Variants in CADPS observed in about 807,000 individuals in gnomAD.
The protein encoded by CADPS is calcium dependent secretion activator, also known as calcium-dependent secretion activator 1.
Under a neutral mutation model 167.3 loss-of-function variants are expected in CADPS, and 57 were observed. The ratio of observed to expected loss-of-function variants is 0.34; its 90% confidence interval spans 0.28 to 0.42. CADPS has a LOEUF of 0.42. Ranked by LOEUF, CADPS falls within the 20% of genes least tolerant of loss-of-function variation. The probability of loss-of-function intolerance (pLI) is 1.00; values close to 1 mark genes in which losing one functional copy is unlikely to be tolerated. For synonymous variants in CADPS, 676 were observed against 635.3 expected (o/e 1.06, Z -0.96); for missense variants, 1,414 against 1,738.1 (o/e 0.81, Z 3.32).
intron 1 of CADPS, among the ~76,000 whole-genome samples, chr3:62,794,506 T>A (rs1042220422): frequency 6.6e-6 from 1 of 152,062 alleles, no homozygotes; most frequent in Non-Finnish European, 1.5e-5. Context: ...GTGTTCGAAC[T>A]CAGGAGGCCA....
In CADPS at chr3:62,550,047, C is replaced by T. The variant is rs772655154; in HGVS notation, c.1822G>A (p.Asp608Asn). 4.3e-6 allele frequency: 7 copies of T among 1,614,062 alleles called. No homozygotes were observed. Among genetic ancestry groups the T allele is most frequent in the Non-Finnish European group, 5.9e-6 (7 of 1,179,976 alleles). ...EGDTVIFASD[D>N]EQDRILWVQA... ...ACCCACAGGATGCGGTCTTGTTCAT[C>T]GTCACTGGCAAATATCACGGTGTCT... Residue 608 changes from aspartate (D) to asparagine (N), a missense_variant, in exon 11 of 30, where the codon GAT becomes AAT. Physicochemically the swap from Asp to Asn is conservative, Grantham distance 23. This residue lies in a region of CADPS where 2 missense variants were observed against 18.8 expected (regional missense o/e 0.11). Coordinates refer to ENST00000383710, the MANE Select transcript of CADPS (RefSeq NM_003716.4).
chr3:62,831,506 A>G (rs977199222), intron 1 of CADPS, among the ~76,000 whole-genome samples: 1 of 152,090 alleles, frequency 6.6e-6, no homozygotes, highest in African/African-American at 2.4e-5. Context: ...TGGTTCCATT[A>G]CCAAATTACT....
intron 4 of CADPS, among the ~76,000 whole-genome samples, chr3:62,658,089 C>G (rs999153738): frequency 6.6e-6 from 1 of 152,076 alleles, no homozygotes; most frequent in Non-Finnish European, 1.5e-5. Context: ...GGAGTCCTGT[C>G]CTGGAGTAAC....
intron 13 of CADPS, among the ~76,000 whole-genome samples, chr3:62,531,111 A>G (rs556233523): frequency 6.3e-4 from 96 of 152,330 alleles, no homozygotes; most frequent in Non-Finnish European, 1.3e-3. Context: ...ATCATAATTC[A>G]TGATGATGTT....
At chr3:62,668,082 C>T (rs1399974599) in intron 3 of CADPS, among the ~76,000 whole-genome samples, 3 of 152,180 alleles carry the variant, frequency 2.0e-5, no homozygotes, top group Non-Finnish European at 1.5e-5. Context: ...CTAGACTCTT[C>T]CAAAGTCATC....
chr3:62,549,865 C>A (rs576397086), intron 11 of CADPS, 38 bp downstream of exon 11: 1 of 1,521,036 alleles, frequency 6.6e-7, no homozygotes, highest in African/African-American at 1.4e-5. Context: ...TTACTTTACT[C>A]TACAGAGCTA....
chr3:62,535,825 A>G (rs1316454418), intron 12 of CADPS, among the ~76,000 whole-genome samples: 1 of 152,130 alleles, frequency 6.6e-6, no homozygotes, highest in African/African-American at 2.4e-5. Flanking sequence ...TAGCTTTAAA[A>G]TAGGATTTCA....
rs57153814 is a variant in CADPS, at chr3:62,510,191, C to CATCTATCTATCTATCTATCTATCT, written c.2599+2536_2599+2559dup. On this transcript the variant is annotated intron_variant, in intron 17 of 29. Coordinates refer to ENST00000383710, the MANE Select transcript of CADPS (RefSeq NM_003716.4). ...CTTTCCTCCCACCTACCTATTTCTG[C>CATCTATCTATCTATCTATCTATCT]ATCTATCTATCTATCTATCTATCTA... Among the ~76,000 whole-genome samples, 589 of 148,368 alleles carry CATCTATCTATCTATCTATCTATCT rather than the reference C, an allele frequency of 4.0e-3. 2 individuals are homozygous for CATCTATCTATCTATCTATCTATCT. The highest frequency in any genetic ancestry group is 0.017 in the Middle Eastern group (5 of 294).
chr3:62,610,806 C>T (rs2061402740), intron 6 of CADPS, among the ~76,000 whole-genome samples: 1 of 151,882 alleles, frequency 6.6e-6, no homozygotes, highest in Admixed American at 6.6e-5. Flanking sequence ...TTCCTCATCT[C>T]CTCTCTAAAC....
intron 28 of CADPS, among the ~76,000 whole-genome samples, chr3:62,432,962 T>C (rs1575955939): frequency 6.6e-6 from 1 of 152,142 alleles, no homozygotes; most frequent in Non-Finnish European, 1.5e-5. Flanking sequence ...GTGCAACTTA[T>C]TGTGTTAGTG....
chr3:62,750,107 T>G (rs1409476863), intron 3 of CADPS, among the ~76,000 whole-genome samples: 2 of 151,980 alleles, frequency 1.3e-5, no homozygotes, highest in East Asian at 1.9e-4. Flanking sequence ...ATCCCAGCAC[T>G]TTGGGAGGCC....
intron 1 of CADPS, among the ~76,000 whole-genome samples, chr3:62,854,076 C>A (rs985936034): frequency 1.3e-5 from 2 of 152,154 alleles, no homozygotes; most frequent in African/African-American, 4.8e-5. Flanking sequence ...TACATCTGAG[C>A]ATTTTCAAGG....
At chr3:62,488,339 T>G (rs1387159740) in intron 21 of CADPS, among the ~76,000 whole-genome samples, 1 of 152,202 alleles carries the variant, frequency 6.6e-6, no homozygotes, top group Non-Finnish European at 1.5e-5. Flanking sequence ...GCACATAACA[T>G]GTCTCCAAGC....
intron 10 of CADPS, among the ~76,000 whole-genome samples, chr3:62,553,743 G>A (rs181570376): frequency 3.2e-4 from 49 of 152,302 alleles, no homozygotes; most frequent in African/African-American, 1.0e-3. Flanking sequence ...AGATAGAAGA[G>A]CGACAGATGA....
intron 3 of CADPS, among the ~76,000 whole-genome samples, chr3:62,682,911 T>G (rs779001971): frequency 7.9e-5 from 12 of 152,058 alleles, no homozygotes; most frequent in Non-Finnish European, 1.8e-4. Flanking sequence ...CAAGATTATG[T>G]GAAAGAACTC....
chr3:62,591,385 C>T lies in CADPS; in HGVS notation c.1437+1252G>A, dbSNP rs150347555. The stretch of plus-strand genomic sequence containing the variant: ...GGGACTGAGCTGTCAGGAAAGGACT[C>T]TCCAAGGAGGTGGCATTTATGCAGA... On this transcript the variant is annotated intron_variant, in intron 7 of 29. Coordinates refer to ENST00000383710, the MANE Select transcript of CADPS (RefSeq NM_003716.4). 1.9e-3 allele frequency among the ~76,000 whole-genome samples: 295 copies of T among 152,274 alleles called. 2 individuals carry two copies. The highest frequency in any genetic ancestry group is 0.014 in the Middle Eastern group (4 of 294).
chr3:62,578,548 T>C (rs1188912808), intron 8 of CADPS, among the ~76,000 whole-genome samples: 1 of 142,332 alleles, frequency 7.0e-6, no homozygotes, highest in Non-Finnish European at 1.5e-5. Flanking sequence ...AGGCGGAGCT[T>C]GCAGTGAGCC....
At chr3:62,569,908 C>T (rs1000834294) in intron 9 of CADPS, among the ~76,000 whole-genome samples, 11 of 152,160 alleles carry the variant, frequency 7.2e-5, no homozygotes, top group African/African-American at 2.7e-4. Flanking sequence ...TAAACACCCT[C>T]CCCTACCAAA....
intron 3 of CADPS, among the ~76,000 whole-genome samples, chr3:62,678,859 C>A (rs1434511669): frequency 6.6e-6 from 1 of 151,900 alleles, no homozygotes; most frequent in Non-Finnish European, 1.5e-5. Flanking sequence ...AAAAGGTGTC[C>A]AACCTAGCCC....
Sources: gnomAD v4.1 joint callset for allele counts (sites outside exome capture counted in the v4.1 genomes callset) on GRCh38, gnomAD v4.1.1 for gene constraint, gnomAD v4.1.1 regional missense constraint, MANE v1.5 for transcripts, NCBI Gene and HGNC (gene_info 2026-07-23, HGNC 2026-07-21) for gene names.